ZFHX4: variants seen among roughly 807,000 people sequenced by gnomAD.
The protein encoded by ZFHX4 is zinc finger homeobox 4.
Under a neutral mutation model 267.6 loss-of-function variants are expected in ZFHX4, and 56 were observed. That is an observed-to-expected ratio of 0.21 (90% CI 0.17 to 0.26). The LOEUF (loss-of-function observed/expected upper bound fraction) is 0.26, where lower values mean the gene tolerates loss of function less well. Among genes scored for constraint, ZFHX4 ranks in the 10% least tolerant of loss-of-function variants. ZFHX4 has a pLI of 1.00. For missense variants in ZFHX4, 4,332 were observed against 4,420.0 expected, an observed-to-expected ratio of 0.98 and a Z score of 0.56; for synonymous variants, 1,778 against 1,665.6, an observed-to-expected ratio of 1.07 and a Z score of -1.64.
chr8:76,854,546 C>T lies in ZFHX4; in HGVS notation c.7625C>T (p.Pro2542Leu), dbSNP rs902184981. ...GACATGCCCTACATGATATTTGACCCCAACAATCCGCTGATGACTGGACAA... is the reference window on the plus strand; with the variant it reads ...GACATGCCCTACATGATATTTGACCTCAACAATCCGCTGATGACTGGACAA... ...PMDMPYMIFD[P>L]NNPLMTGQLL... The change falls in exon 10 of 11, where the codon CCC (proline) becomes CTC (leucine). Residue 2542 changes from proline (P) to leucine (L), a missense_variant. Physicochemically the swap from Pro to Leu is moderately conservative, Grantham distance 98. Coordinates refer to ENST00000651372, the MANE Select transcript of ZFHX4 (RefSeq NM_024721.5). The T allele has an allele frequency of 6.2e-7, 1 of 1,613,798 alleles. No homozygotes were observed. Among genetic ancestry groups the T allele is most frequent in the East Asian group, 2.2e-5 (1 of 44,876 alleles).
chr8:76,706,987 G>T (rs1243006154), intron 2 of ZFHX4, among the ~76,000 whole-genome samples: 2 of 152,118 alleles, frequency 1.3e-5, no homozygotes, highest in Non-Finnish European at 2.9e-5. Flanking sequence ...TACCTTACAA[G>T]GTTTATAGTT....
rs567687369 is a variant in ZFHX4 at position 76,774,287 on chromosome 8, C to T, written c.3094-3921C>T. Among the ~76,000 whole-genome samples the T allele has an allele frequency of 2.0e-5, 3 of 152,192 alleles. No homozygotes were observed. The East Asian group carries it at 5.8e-4, about 29-fold the overall frequency. ...AAAAAAATTGAAGTGATATCATATG[C>T]TCATCAGGAAGAAATGAGTGTGGTA... On this transcript the variant is annotated intron_variant, in intron 3 of 10. Coordinates refer to ENST00000651372, the MANE Select transcript of ZFHX4 (RefSeq NM_024721.5).
Position 76,851,838 on chromosome 8 carries a change from A to G in ZFHX4, c.4917A>G (p.Ala1639=). Residue 1639 remains alanine (A), a synonymous_variant, in exon 10 of 11, where the codon GCA becomes GCG. Transcript: ENST00000651372. ...ATGTGGCTGGTGGGCACAGCATTGC[A>G]GCAAATGTCAACAGCCCTGGCCAGG... ...SGHVAGGHSI[A]ANVNSPGQGM... The G allele has an allele frequency of 1.9e-6, 3 of 1,613,994 alleles. No individual in the cohort carries two copies. The highest frequency in any genetic ancestry group is 2.5e-6 in the Non-Finnish European group (3 of 1,179,872).
intron 3 of ZFHX4, among the ~76,000 whole-genome samples, chr8:76,747,707 G>A (rs568333299): frequency 6.6e-5 from 10 of 152,190 alleles, no homozygotes; most frequent in South Asian, 4.2e-4. Context: ...CGAGGCAGGC[G>A]GATCACCTGA....
intron 1 of ZFHX4, among the ~76,000 whole-genome samples, chr8:76,693,176 G>T (rs1416696246): frequency 2.0e-5 from 3 of 152,052 alleles, no homozygotes; most frequent in Non-Finnish European, 4.4e-5. Context: ...ATAAATACCT[G>T]TTGAATGAGT....
intron 3 of ZFHX4, among the ~76,000 whole-genome samples, chr8:76,757,223 A>G (rs1809787835): frequency 6.6e-6 from 1 of 152,194 alleles, no homozygotes; most frequent in Non-Finnish European, 1.5e-5. Flanking sequence ...AAGCCAGACA[A>G]AAAGAATTGC....
intron 3 of ZFHX4, among the ~76,000 whole-genome samples, chr8:76,709,558 A>G (rs966323947): frequency 6.6e-6 from 1 of 152,144 alleles, no homozygotes; most frequent in Non-Finnish European, 1.5e-5. Flanking sequence ...TATAAATAAT[A>G]GATTTAGACC....
In ZFHX4 at chr8:76,855,470, A is replaced by T; in HGVS notation, c.8549A>T (p.Lys2850Ile). The T allele has an allele frequency of 6.2e-7, 1 of 1,613,718 alleles. No individual in the cohort carries two copies. The highest frequency in any genetic ancestry group is 8.5e-7 in the Non-Finnish European group (1 of 1,179,836). ...CCAAAAACTCTGGATACTCTGCCAA[A>T]ACCTGCAACCACACCTACCACGGAG... ...KEPKTLDTLPKPATTPTTEVC... is the reference protein window; with the variant it reads ...KEPKTLDTLPIPATTPTTEVC... Residue 2850 changes from lysine to isoleucine, a missense_variant, in exon 10 of 11, where the codon AAA becomes ATA. Lys to Ile is a moderately radical substitution (Grantham distance 102). Transcript: ENST00000651372.
At chr8:76,744,791 A>G (rs1395885076) in intron 3 of ZFHX4, among the ~76,000 whole-genome samples, 1 of 152,200 alleles carries the variant, frequency 6.6e-6, no homozygotes, top group Non-Finnish European at 1.5e-5. Context: ...TTATTTACTT[A>G]CAAGTATGTA....
intron 3 of ZFHX4, 91 bp from the exon 4 acceptor site, chr8:76,778,117 A>G: frequency 2.4e-6 from 2 of 828,804 alleles, no homozygotes; most frequent in South Asian, 1.4e-5. Context: ...CTGTGTAACC[A>G]ATGTTTATCA....
At position 76,704,113 on chromosome 8, in the gene ZFHX4, A is replaced by G. The variant is rs1808176050; in HGVS notation, c.25A>G (p.Ile9Val). The G allele has an allele frequency of 1.2e-6, 2 of 1,612,164 alleles. No homozygotes were observed. The highest frequency in any genetic ancestry group is 1.6e-4 in the Middle Eastern group (1 of 6,072). Reference sequence around the variant, plus strand: ...CATGGAAACCTGTGACTCCCCTCCTATCTCAAGGCAGGAAAATGGGCAGAG... The same window carrying G: ...CATGGAAACCTGTGACTCCCCTCCTGTCTCAAGGCAGGAAAATGGGCAGAG... METCDSPP[I>V]SRQENGQSTS... The change falls in exon 2 of 11, where the codon ATC becomes GTC. Residue 9 changes from isoleucine to valine, a missense_variant. Coordinates refer to ENST00000651372, the MANE Select transcript of ZFHX4 (RefSeq NM_024721.5).
intron 3 of ZFHX4, among the ~76,000 whole-genome samples, chr8:76,730,675 G>A (rs1808984686): frequency 6.6e-6 from 1 of 152,016 alleles, no homozygotes; most frequent in Non-Finnish European, 1.5e-5. Flanking sequence ...CTCCAGCCTG[G>A]GTGACAGAGC....
chr8:76,697,576 GA>G lies in ZFHX4; in HGVS notation c.-46-6463del, dbSNP rs1413338905. Among the ~76,000 whole-genome samples, 6 of 152,036 alleles carry G rather than the reference GA, an allele frequency of 3.9e-5. No individual in the cohort carries two copies. In the South Asian group the frequency reaches 1.2e-3, roughly 32 times the overall value. On this transcript the variant is annotated intron_variant, in intron 1 of 10. Coordinates refer to ENST00000651372, the MANE Select transcript of ZFHX4 (RefSeq NM_024721.5). ...TCGATGCGGTTCATGTTTTTCCAAG[GA>G]AAACTACAGTGTTCTGTGTTAAAGC...
At position 76,815,165 on chromosome 8, in the gene ZFHX4, TA is replaced by T. The variant is rs374916160; in HGVS notation, c.3326-18171del. 4.3e-3 allele frequency among the ~76,000 whole-genome samples: 656 copies of T among 152,248 alleles called. 7 individuals carry two copies. Among genetic ancestry groups the T allele is most frequent in the African/African-American group, 0.013 (543 of 41,540 alleles). The stretch of plus-strand genomic sequence containing the variant: ...GAGGAGTTACTCAGAAGACTTGAGA[TA>T]ATGAATATGAACATACTTTGAAAAG... On this transcript the variant is annotated intron_variant, in intron 4 of 10. Transcript: ENST00000651372.
At chr8:76,731,005 AG>A (rs1431263609) in intron 3 of ZFHX4, among the ~76,000 whole-genome samples, 6 of 152,240 alleles carry the variant, frequency 3.9e-5, no homozygotes, top group African/African-American at 1.4e-4. Context: ...CAGATATTTG[AG>A]GAGCTGGGAT....
At chr8:76,752,239 A>G (rs947989805) in intron 3 of ZFHX4, among the ~76,000 whole-genome samples, 8 of 152,150 alleles carry the variant, frequency 5.3e-5, no homozygotes, top group African/African-American at 1.9e-4. Flanking sequence ...AGGCAAGAGA[A>G]TGAAAAATAT....
chr8:76,731,951 C>A (rs1026245090), intron 3 of ZFHX4, among the ~76,000 whole-genome samples: 5 of 151,506 alleles, frequency 3.3e-5, no homozygotes, highest in African/African-American at 1.2e-4. Context: ...AAGCTATTCT[C>A]CTGCCTCAGC....
intron 4 of ZFHX4, chr8:76,782,014 C>T (rs534988493): frequency 1.6e-5 from 5 of 305,690 alleles, no homozygotes; most frequent in African/African-American, 1.1e-4. Context: ...ACATTTTATT[C>T]CATTTCCATG....
At chr8:76,803,878 T>A (rs1468345534) in intron 4 of ZFHX4, among the ~76,000 whole-genome samples, 1 of 152,154 alleles carries the variant, frequency 6.6e-6, no homozygotes, top group Non-Finnish European at 1.5e-5. Context: ...AAATAAATGA[T>A]GCTAAATATT....
Sources: allele counts gnomAD v4.1 joint callset (sites outside exome capture counted in the v4.1 genomes callset), GRCh38; gene constraint gnomAD v4.1.1; transcripts MANE v1.5; gene names NCBI Gene and HGNC (gene_info 2026-07-23, HGNC 2026-07-21).